The following FYB1 variants were observed in gnomAD, a reference collection of about 807,000 sequenced individuals.
The protein encoded by FYB1 is FYN-binding protein 1.
In FYB1, 41 loss-of-function variants were observed where a neutral mutation model predicts 94.1. That is an observed-to-expected ratio of 0.44 (90% CI 0.34 to 0.57). The LOEUF (loss-of-function observed/expected upper bound fraction) is 0.57. Ranked by LOEUF, FYB1 falls within the 20% of genes least tolerant of loss-of-function variation. The pLI, the probability that FYB1 is intolerant of heterozygous loss-of-function variation, is 0.02. For missense variants in FYB1, 1,050 were observed against 976.8 expected, an observed-to-expected ratio of 1.07 and a Z score of -1.00; for synonymous variants, 367 against 353.2, an observed-to-expected ratio of 1.04 and a Z score of -0.44.
chr5:39,155,251 T>C (rs1439399458), intron 2 of FYB1, among the ~76,000 whole-genome samples: 2 of 152,220 alleles, frequency 1.3e-5, no homozygotes, highest in Non-Finnish European at 2.9e-5. Context: ...TTGCTGACCA[T>C]ATTGCCCTCT....
intron 2 of FYB1, among the ~76,000 whole-genome samples, chr5:39,165,070 C>T (rs1439444789): frequency 6.6e-6 from 1 of 152,180 alleles, no homozygotes; most frequent in Admixed American, 6.5e-5. Flanking sequence ...AGAAGGTACT[C>T]AGTTAAGTTA....
At chr5:39,175,552 C>T (rs143467300) in intron 2 of FYB1, among the ~76,000 whole-genome samples, 12 of 152,248 alleles carry the variant, frequency 7.9e-5, no homozygotes, top group East Asian at 7.7e-4. Flanking sequence ...CAGGTAGAAA[C>T]GCTGCTGTGT....
chr5:39,113,040 A>G (rs149871622), intron 16 of FYB1, among the ~76,000 whole-genome samples: 113 of 152,266 alleles, frequency 7.4e-4, no homozygotes, highest in African/African-American at 2.7e-3. Context: ...GACTTTTAAT[A>G]CAGCACAGGT....
At chr5:39,182,283 A>G in intron 2 of FYB1, among the ~76,000 whole-genome samples, 1 of 120,030 alleles carries the variant, frequency 8.3e-6, no homozygotes, top group African/African-American at 3.4e-5. Flanking sequence ...GTGTGTGTGC[A>G]TGCATGTGTG....
chr5:39,245,428 G>T (rs1751429211), intron 1 of FYB1, among the ~76,000 whole-genome samples: 1 of 152,144 alleles, frequency 6.6e-6, no homozygotes, highest in Non-Finnish European at 1.5e-5. Flanking sequence ...GGTTAGATGG[G>T]TTATTCTTCT....
chr5:39,197,543 A>G (rs1004927382), intron 2 of FYB1, among the ~76,000 whole-genome samples: 1 of 152,248 alleles, frequency 6.6e-6, no homozygotes, highest in South Asian at 2.1e-4. Context: ...ATCATAATCC[A>G]GAGCAAATCC....
At chr5:39,155,924 T>C (rs1347949822) in intron 2 of FYB1, among the ~76,000 whole-genome samples, 2 of 152,184 alleles carry the variant, frequency 1.3e-5, no homozygotes, top group African/African-American at 4.8e-5. Context: ...TGGCATCCAG[T>C]TATTTTAATT....
At chr5:39,240,823 T>C (rs527585070) in intron 1 of FYB1, among the ~76,000 whole-genome samples, 153 of 152,348 alleles carry the variant, frequency 1.0e-3, no homozygotes, top group Non-Finnish European at 1.8e-3. Flanking sequence ...TTATTGGGTA[T>C]ATACCCAAGG....
Position 39,134,949 on chromosome 5 carries a change from A to T in FYB1, c.1581T>A (p.Asn527Lys). 1 of 1,613,894 alleles carries T rather than the reference A, an allele frequency of 6.2e-7. No homozygotes were observed. The highest frequency in any genetic ancestry group is 8.5e-7 in the Non-Finnish European group (1 of 1,179,858). The change falls in exon 8 of 19, where the codon AAT (asparagine) becomes AAA (lysine). Residue 527 changes from asparagine to lysine, a missense_variant. Transcript: ENST00000512982. ...GCTCTCCTTGCTTGAAGCTCAGTTC[A>T]TTCTTTCCTCCTTTGACATCACAAC... Reference protein sequence around the residue: ...KACCDVKGGKNELSFKQGEQI... With the variant: ...KACCDVKGGKKELSFKQGEQI...
At chr5:39,245,317 T>G (rs1285707238) in intron 1 of FYB1, among the ~76,000 whole-genome samples, 2 of 152,204 alleles carry the variant, frequency 1.3e-5, no homozygotes, top group African/African-American at 4.8e-5. Flanking sequence ...TTGTAATGTT[T>G]GTGTGGGTGT....
intron 2 of FYB1, among the ~76,000 whole-genome samples, chr5:39,154,884 G>A (rs12187124): frequency 0.6 from 90,513 of 151,936 alleles, 29,504 homozygotes; most frequent in South Asian, 0.73. Context: ...GAGCCACCTC[G>A]CCCGGCCTCC....
intron 1 of FYB1, among the ~76,000 whole-genome samples, chr5:39,216,120 A>G (rs1749849350): frequency 6.6e-6 from 1 of 152,088 alleles, no homozygotes; most frequent in South Asian, 2.1e-4. Context: ...TGACACCTTG[A>G]GTTTAGACTT....
chr5:39,202,587 G>T lies in FYB1; in HGVS notation c.374C>A (p.Ser125Tyr), dbSNP rs35384751. 4.8e-3 allele frequency: 7,721 copies of T among 1,613,890 alleles called. 380 individuals are homozygous for T. In the Admixed American group the frequency reaches 0.087, roughly 18 times the overall value. ...PKPINLPKED[S>Y]KPTFPWPPGN... ...AGGAGGCCAGGGAAATGTAGGTTTG[G>T]AATCTTCTTTGGGCAAGTTGATGGG... Residue 125 changes from serine to tyrosine, a missense_variant, in exon 2 of 19, where the codon TCC (serine) becomes TAC (tyrosine). Transcript: ENST00000512982.
At chr5:39,154,258 A>G (rs565353132) in intron 2 of FYB1, among the ~76,000 whole-genome samples, 1 of 152,094 alleles carries the variant, frequency 6.6e-6, no homozygotes, top group Admixed American at 6.6e-5. Flanking sequence ...AGTTGTTTCT[A>G]TATCTTTCCT....
At chr5:39,172,121 G>C (rs1378363044) in intron 2 of FYB1, among the ~76,000 whole-genome samples, 2 of 152,146 alleles carry the variant, frequency 1.3e-5, no homozygotes. Context: ...AGACAAAGCA[G>C]ACCCACTGAA....
At position 39,141,088 on chromosome 5, in the gene FYB1, C is replaced by A; in HGVS notation, c.1339+7G>T. On this transcript the variant is annotated splice_region_variant and intron_variant, in intron 4 of 18. Transcript: ENST00000512982. ...ATAAATAAATAAAATATGTTTTTGT[C>A]GTTTACCATCAGAGTGCGTGACACC... 1 of 1,566,012 alleles carries A rather than the reference C, an allele frequency of 6.4e-7. No homozygotes were observed.
chr5:39,244,579 G>A (rs570691181), intron 1 of FYB1, among the ~76,000 whole-genome samples: 230 of 150,156 alleles, frequency 1.5e-3, no homozygotes, highest in African/African-American at 5.6e-3. Flanking sequence ...AATGCTCATC[G>A]GGGATATTGG....
chr5:39,270,830 T>A (rs1046164940), intron 1 of FYB1: 1 of 405,052 alleles, frequency 2.5e-6, no homozygotes, highest in African/African-American at 2.0e-5. Context: ...CTTTGAAGAC[T>A]GAAAAATTGA....
At chr5:39,229,714 C>T (rs1187212460) in intron 1 of FYB1, among the ~76,000 whole-genome samples, 1 of 152,014 alleles carries the variant, frequency 6.6e-6, no homozygotes, top group Non-Finnish European at 1.5e-5. Context: ...TGATTATGCC[C>T]ATTTTATAGA....
Sources: gnomAD v4.1 joint callset for allele counts (sites outside exome capture counted in the v4.1 genomes callset) on GRCh38, gnomAD v4.1.1 for gene constraint, MANE v1.5 for transcripts, NCBI Gene and HGNC (gene_info 2026-07-23, HGNC 2026-07-21) for gene names.